Variants in LDLRAD4 observed in about 807,000 individuals in gnomAD.
LDLRAD4 encodes the protein low-density lipoprotein receptor class A domain-containing protein 4.
LDLRAD4 carries 5 observed loss-of-function variants against 17.0 expected under a neutral mutation model. That is an observed-to-expected ratio of 0.29 (90% CI 0.15 to 0.62). The LOEUF is 0.62. Among genes scored for constraint, LDLRAD4 ranks in the 20% least tolerant of loss-of-function variants. LDLRAD4 has a pLI of 0.84. For missense variants in LDLRAD4, 340 were observed against 424.7 expected (o/e 0.80, Z 1.75); for synonymous variants, 168 against 171.8 (o/e 0.98, Z 0.17).
chr18:13,557,011 A>C (rs889664261), intron 3 of LDLRAD4, among the ~76,000 whole-genome samples: 9 of 152,206 alleles, frequency 5.9e-5, no homozygotes, highest in Admixed American at 5.9e-4. Flanking sequence ...GATAATAAGC[A>C]CGGCCAGGCT....
intron 2 of LDLRAD4, among the ~76,000 whole-genome samples, chr18:13,404,752 C>T (rs531869894): frequency 6.6e-6 from 1 of 151,072 alleles, no homozygotes; most frequent in Non-Finnish European, 1.5e-5. Context: ...GAGCCGAGAT[C>T]GTGCCACTGC....
At chr18:13,356,018 G>C (rs2083316041) in intron 1 of LDLRAD4, among the ~76,000 whole-genome samples, 1 of 152,250 alleles carries the variant, frequency 6.6e-6, no homozygotes, top group Non-Finnish European at 1.5e-5. Context: ...TAGGAGCAGG[G>C]GATTGAGGAG....
intron 1 of LDLRAD4, among the ~76,000 whole-genome samples, chr18:13,280,765 CT>C (rs1481052807): frequency 6.6e-6 from 1 of 152,224 alleles, no homozygotes; most frequent in Non-Finnish European, 1.5e-5. Flanking sequence ...TTTTGGTTTT[CT>C]TCTTGGTCCT....
chr18:13,274,723 A>C (rs73419313), upstream of LDLRAD4, among the ~76,000 whole-genome samples: 1,106 of 152,318 alleles, frequency 7.3e-3, 13 homozygotes, highest in African/African-American at 0.025. Flanking sequence ...AATATTTTCA[A>C]ATATCACTGT....
chr18:13,437,195 A>AC (rs2090721225), intron 2 of LDLRAD4, among the ~76,000 whole-genome samples: 1 of 152,196 alleles, frequency 6.6e-6, no homozygotes, highest in African/African-American at 2.4e-5. Flanking sequence ...TTCCAGACAG[A>AC]CAGAACCAAG....
At chr18:13,567,878 A>C (rs1487366234) in intron 3 of LDLRAD4, among the ~76,000 whole-genome samples, 8 of 152,192 alleles carry the variant, frequency 5.3e-5, no homozygotes, top group African/African-American at 1.9e-4. Context: ...GGAAATAATG[A>C]AAGTATTAAC....
At chr18:13,242,269 C>T (rs145715669) in intron 1 of LDLRAD4, among the ~76,000 whole-genome samples, 5 of 152,298 alleles carry the variant, frequency 3.3e-5, no homozygotes, top group Middle Eastern at 3.4e-3. Flanking sequence ...AAGTTTTACC[C>T]GGTCACGTCA....
At chr18:13,376,158 CT>C (rs1361470741) in intron 1 of LDLRAD4, among the ~76,000 whole-genome samples, 2 of 152,188 alleles carry the variant, frequency 1.3e-5, no homozygotes, top group Non-Finnish European at 2.9e-5. Context: ...TCCTCCCAGG[CT>C]GTGCGGGCAC....
chr18:13,607,150 C>T (rs1785157), intron 3 of LDLRAD4, among the ~76,000 whole-genome samples: 59,599 of 151,932 alleles, frequency 0.39, 11,992 homozygotes, highest in Non-Finnish European at 0.45. Context: ...AGTGGGTGGC[C>T]GGATGGGAGT....
intron 1 of LDLRAD4, among the ~76,000 whole-genome samples, chr18:13,269,621 C>T (rs747099403): frequency 2.0e-5 from 3 of 151,980 alleles, no homozygotes; most frequent in African/African-American, 7.3e-5. Flanking sequence ...TGGTAGCATC[C>T]GTGCCTGTTT....
chr18:13,577,389 G>C (rs192734881), intron 3 of LDLRAD4, among the ~76,000 whole-genome samples: 14 of 152,292 alleles, frequency 9.2e-5, no homozygotes, highest in Non-Finnish European at 1.6e-4. Flanking sequence ...CGGCTGTGTT[G>C]AGATGGGTTT....
chr18:13,376,896 G>A (rs1321407481), intron 1 of LDLRAD4, among the ~76,000 whole-genome samples: 4 of 152,200 alleles, frequency 2.6e-5, no homozygotes, highest in Admixed American at 6.5e-5. Flanking sequence ...CTGCCTGGCC[G>A]GAGGCCTCCA....
rs531864476 is a variant in LDLRAD4 at position 13,232,897 on chromosome 18, G to A, written c.-467+13909G>A. Among the ~76,000 whole-genome samples, 28 of 152,310 alleles carry A rather than the reference G, an allele frequency of 1.8e-4. 2 individuals carry two copies. In the South Asian group the frequency reaches 3.3e-3, roughly 18 times the overall value. The stretch of plus-strand genomic sequence containing the variant: ...GGCAGCAGGGAGAGAAGGCTGCCAC[G>A]TCTGCTGGCTCTCCCTGGTGTGGTC... On this transcript the variant is annotated intron_variant, in intron 1 of 5. Transcript: ENST00000399848.
intron 3 of LDLRAD4, among the ~76,000 whole-genome samples, chr18:13,599,652 G>A (rs897272767): frequency 5.3e-5 from 8 of 151,872 alleles, no homozygotes; most frequent in Admixed American, 2.0e-4. Flanking sequence ...CACCACACCC[G>A]GCTAATTTTT....
At chr18:13,239,723 C>T (rs2042531166) in intron 1 of LDLRAD4, 1 of 152,320 alleles carries the variant, frequency 6.6e-6, no homozygotes, top group Non-Finnish European at 1.5e-5. Context: ...ACGCAGATGC[C>T]CTGGCTGTCC....
chr18:13,255,877 G>T (rs2043476817), intron 1 of LDLRAD4, among the ~76,000 whole-genome samples: 1 of 152,172 alleles, frequency 6.6e-6, no homozygotes, highest in Admixed American at 6.5e-5. Context: ...GGATGGCTGG[G>T]GAAGGGATGG....
Position 13,316,820 on chromosome 18 carries a change from A to T in LDLRAD4, c.-383+38632A>T, listed in dbSNP as rs1180953190. Among the ~76,000 whole-genome samples, 3 of 152,224 alleles carry T rather than the reference A, an allele frequency of 2.0e-5. No homozygotes were observed. In the South Asian group the frequency reaches 6.2e-4, roughly 32 times the overall value. ...TGACAGAGGAGGGAAAACTGAACCG[A>T]TAAGAAGTACTCAGTGAATCCAAAA... On this transcript the variant is annotated intron_variant, in intron 1 of 5. Coordinates refer to ENST00000359446, the Ensembl canonical transcript of LDLRAD4.
chr18:13,494,725 C>T (rs2093430369), intron 3 of LDLRAD4, among the ~76,000 whole-genome samples: 8 of 57,472 alleles, frequency 1.4e-4, no homozygotes, highest in African/African-American at 4.8e-4. Flanking sequence ...TACACATACA[C>T]ATTGAATAAA....
intron 2 of LDLRAD4, among the ~76,000 whole-genome samples, chr18:13,389,098 G>A (rs962093180): frequency 9.9e-5 from 15 of 151,516 alleles, no homozygotes; most frequent in Admixed American, 9.2e-4. Context: ...CTGTGTAGAC[G>A]AAGGGTTGGG....
Sources: allele counts gnomAD v4.1 joint callset (sites outside exome capture counted in the v4.1 genomes callset), GRCh38; gene constraint gnomAD v4.1.1; transcripts MANE v1.5; gene names NCBI Gene and HGNC (gene_info 2026-07-23, HGNC 2026-07-21).